The following KCNH8 variants were observed in gnomAD, a reference collection of about 807,000 sequenced individuals.
KCNH8 encodes potassium voltage-gated channel subfamily H member 8, also known as voltage-gated delayed rectifier potassium channel KCNH8.
Under a neutral mutation model 103.6 loss-of-function variants are expected in KCNH8, and 70 were observed. The ratio of observed to expected loss-of-function variants is 0.68; its 90% CI spans 0.56 to 0.82. The LOEUF (loss-of-function observed/expected upper bound fraction) is 0.82. KCNH8 is among the 40% of genes least tolerant of loss of function. The pLI, the probability that KCNH8 is intolerant of heterozygous loss-of-function variation, is 0.00. For missense variants in KCNH8, 1,217 were observed against 1,329.9 expected (o/e 0.92, Z 1.32); for synonymous variants, 498 against 489.4 (o/e 1.02, Z -0.23).
intron 1 of KCNH8, among the ~76,000 whole-genome samples, chr3:19,165,927 T>A (rs1268308768): frequency 6.6e-6 from 1 of 152,174 alleles, no homozygotes; most frequent in Non-Finnish European, 1.5e-5. Flanking sequence ...AGCGTGATCC[T>A]GTCAGCAGAA....
At chr3:19,499,449 G>T (rs1423107214) in intron 11 of KCNH8, among the ~76,000 whole-genome samples, 1 of 152,096 alleles carries the variant, frequency 6.6e-6, no homozygotes, top group Non-Finnish European at 1.5e-5. Flanking sequence ...ACACCACAAA[G>T]ATACTCCTTG....
At position 19,513,236 on chromosome 3, in the gene KCNH8, C is replaced by A. The variant is rs770472639; in HGVS notation, c.2346C>A (p.Asp782Glu). ...CCCCCAAAACCAAGCAGGAAATTGACCCCCCCAACCATAATAAAAGGAAAG... is the reference window on the plus strand; with the variant it reads ...CCCCCAAAACCAAGCAGGAAATTGAACCCCCCAACCATAATAAAAGGAAAG... Reference protein sequence around the residue: ...SNSPKTKQEIDPPNHNKRKEK... With the variant: ...SNSPKTKQEIEPPNHNKRKEK... Residue 782 changes from aspartate (D) to glutamate (E), a missense_variant, in exon 13 of 16, where the codon GAC becomes GAA. Asp to Glu is a conservative substitution (Grantham distance 45, BLOSUM62 2). Coordinates refer to ENST00000328405, the MANE Select transcript of KCNH8 (RefSeq NM_144633.3). The A allele has an allele frequency of 1.4e-5, 22 of 1,613,632 alleles. No individual in the cohort carries two copies. The highest frequency in any genetic ancestry group is 1.7e-5 in the Non-Finnish European group (20 of 1,179,848).
At chr3:19,449,098 A>G (rs1275683664) in intron 8 of KCNH8, 1 of 449,678 alleles carries the variant, frequency 2.2e-6, no homozygotes, top group East Asian at 7.5e-5. Context: ...AGTGAGGTCC[A>G]TCCTTTCACT....
intron 11 of KCNH8, among the ~76,000 whole-genome samples, chr3:19,486,619 T>C (rs1013256548): frequency 5.3e-5 from 8 of 152,182 alleles, no homozygotes; most frequent in Non-Finnish European, 1.0e-4. Context: ...GTAAAGGGCT[T>C]TGTCAAATCT....
intron 3 of KCNH8, among the ~76,000 whole-genome samples, chr3:19,308,775 TCTCTCTCTCTCC>T (rs2065171812): frequency 3.0e-5 from 3 of 100,512 alleles, no homozygotes; most frequent in African/African-American, 1.0e-4. Flanking sequence ...TCTCCCTCCC[TCTCTCTCTCTCC>T]CTCTCTCTCT....
At chr3:19,367,238 A>C (rs1193693957) in intron 5 of KCNH8, among the ~76,000 whole-genome samples, 1 of 151,794 alleles carries the variant, frequency 6.6e-6, no homozygotes, top group East Asian at 1.9e-4. Context: ...TCCTTGAAGT[A>C]TCATCTGTGA....
chr3:19,365,132 T>C (rs1342049395), intron 5 of KCNH8, among the ~76,000 whole-genome samples: 1 of 152,148 alleles, frequency 6.6e-6, no homozygotes, highest in Non-Finnish European at 1.5e-5. Context: ...AGCAAAATCA[T>C]ACTCAAGGAC....
Position 19,404,746 on chromosome 3 carries a change from G to A in KCNH8, c.1177+9435G>A, listed in dbSNP as rs1455016823. ...GAGCAATGTGATCTACTGACTTGAG[G>A]TTTGGATCTATCCTAATTAATTAAT... On this transcript the variant is annotated intron_variant, in intron 7 of 15. Transcript: ENST00000328405. 3.3e-5 allele frequency among the ~76,000 whole-genome samples: 5 copies of A among 151,916 alleles called. No homozygotes were observed. The East Asian group carries it at 9.7e-4, about 29-fold the overall frequency.
intron 2 of KCNH8, among the ~76,000 whole-genome samples, chr3:19,260,967 C>CATATATATATATATATATATAT (rs138181171): frequency 7.6e-6 from 1 of 132,158 alleles, no homozygotes; most frequent in African/African-American, 2.7e-5. Flanking sequence ...GAATAATATT[C>CATATATATATATATATATATAT]ATATATATAT....
At chr3:19,234,432 A>G (rs886392739) in intron 1 of KCNH8, among the ~76,000 whole-genome samples, 70 of 152,342 alleles carry the variant, frequency 4.6e-4, no homozygotes, top group African/African-American at 1.7e-3. Flanking sequence ...CTGCCCCGCG[A>G]GAAGCCAGCT....
intron 15 of KCNH8, among the ~76,000 whole-genome samples, chr3:19,530,718 T>C (rs1358316964): frequency 2.0e-5 from 3 of 152,222 alleles, no homozygotes; most frequent in Admixed American, 1.3e-4. Flanking sequence ...TTCTGTGTCA[T>C]TGTGCTCTTT....
intron 3 of KCNH8, among the ~76,000 whole-genome samples, chr3:19,290,444 T>A (rs998650101): frequency 2.0e-5 from 3 of 152,218 alleles, no homozygotes; most frequent in African/African-American, 7.2e-5. Context: ...TTATTGAAAG[T>A]TTTTATCATG....
At chr3:19,319,114 TG>T (rs537422040) in intron 3 of KCNH8, among the ~76,000 whole-genome samples, 132 of 152,268 alleles carry the variant, frequency 8.7e-4, no homozygotes, top group Middle Eastern at 3.4e-3. Flanking sequence ...CTGTGTGGGT[TG>T]TCTGTTAACT....
chr3:19,345,457 T>C (rs1468049531), intron 4 of KCNH8, among the ~76,000 whole-genome samples: 1 of 152,076 alleles, frequency 6.6e-6, no homozygotes, highest in Admixed American at 6.6e-5. Flanking sequence ...CAATAACTCA[T>C]AGGTGGAGGT....
intron 5 of KCNH8, among the ~76,000 whole-genome samples, chr3:19,372,234 C>T (rs1374780598): frequency 1.8e-4 from 27 of 150,196 alleles, no homozygotes; most frequent in East Asian, 3.9e-4. Context: ...TTGATTCTTC[C>T]TACCCATGAG....
intron 1 of KCNH8, among the ~76,000 whole-genome samples, chr3:19,222,495 A>T (rs923830459): frequency 6.6e-6 from 1 of 152,238 alleles, no homozygotes; most frequent in African/African-American, 2.4e-5. Context: ...AGAACAGGTC[A>T]AAGCATGTGC....
intron 1 of KCNH8, among the ~76,000 whole-genome samples, chr3:19,231,831 A>G (rs2063998108): frequency 1.3e-5 from 2 of 152,182 alleles, no homozygotes; most frequent in Non-Finnish European, 2.9e-5. Context: ...CCTTTCATCA[A>G]AGGAGCTTGT....
In KCNH8 at chr3:19,240,282, T is replaced by A. The variant is rs960814710; in HGVS notation, c.77-13372T>A. On this transcript the variant is annotated intron_variant, in intron 1 of 15. Coordinates refer to ENST00000328405, the MANE Select transcript of KCNH8 (RefSeq NM_144633.3). ...TCTAAATTATCCAATTTCTGCTAAC[T>A]CCAAATTTCTATCTAAGCATAGCTA... 1.4e-4 allele frequency among the ~76,000 whole-genome samples: 21 copies of A among 152,142 alleles called. 1 individual carries two copies. The highest frequency in any genetic ancestry group is 1.3e-4 in the Admixed American group (2 of 15,262).
chr3:19,305,911 T>C (rs1264961662), intron 3 of KCNH8, among the ~76,000 whole-genome samples: 3 of 151,924 alleles, frequency 2.0e-5, no homozygotes, highest in Non-Finnish European at 4.4e-5. Context: ...GTCTCATTTG[T>C]TATATGGGAA....
Sources: allele counts gnomAD v4.1 joint callset (sites outside exome capture counted in the v4.1 genomes callset), GRCh38; gene constraint gnomAD v4.1.1; transcripts MANE v1.5; gene names NCBI Gene and HGNC (gene_info 2026-07-23, HGNC 2026-07-21).